The following RTN4RL1 variants were observed in gnomAD, a reference collection of about 807,000 sequenced individuals.
RTN4RL1 encodes the protein reticulon 4 receptor like 1, also known as reticulon-4 receptor-like 1.
In RTN4RL1, 7 loss-of-function variants were observed where a neutral mutation model predicts 25.6. That is an observed-to-expected ratio of 0.27 (90% CI 0.16 to 0.51). The LOEUF (loss-of-function observed/expected upper bound fraction) is 0.51, where lower values mean the gene tolerates loss of function less well. Ranked by LOEUF, RTN4RL1 falls within the 20% of genes least tolerant of loss-of-function variation. The pLI, the probability that RTN4RL1 is intolerant of heterozygous loss-of-function variation, is 0.97. For missense variants in RTN4RL1, 500 were observed against 615.6 expected (o/e 0.81, Z 1.99); for synonymous variants, 297 against 288.2 (o/e 1.03, Z -0.31).
intron 1 of RTN4RL1, among the ~76,000 whole-genome samples, chr17:2,015,545 C>T (rs1036171312): frequency 5.9e-5 from 9 of 152,148 alleles, no homozygotes; most frequent in Non-Finnish European, 8.8e-5. Flanking sequence ...GGGGCAGCCG[C>T]AGAACCATGG....
intron 1 of RTN4RL1, among the ~76,000 whole-genome samples, chr17:1,963,711 T>A (rs1306106742): frequency 6.6e-6 from 1 of 152,182 alleles, no homozygotes; most frequent in Non-Finnish European, 1.5e-5. Context: ...CCGGGTGCAA[T>A]CTGCCCTTCG....
chr17:1,948,345 C>T (rs1915602048), intron 1 of RTN4RL1, among the ~76,000 whole-genome samples: 1 of 152,212 alleles, frequency 6.6e-6, no homozygotes, highest in African/African-American at 2.4e-5. Flanking sequence ...TGCAAATTTG[C>T]TCCCAGGTTT....
At chr17:2,021,849 C>G (rs1380063535) in intron 1 of RTN4RL1, among the ~76,000 whole-genome samples, 1 of 137,442 alleles carries the variant, frequency 7.3e-6, no homozygotes, top group Non-Finnish European at 1.5e-5. Context: ...GCCACTGTGC[C>G]CGGTCTTTTT....
chr17:1,939,179 C>G (rs781004746), intron 1 of RTN4RL1, among the ~76,000 whole-genome samples: 10 of 151,624 alleles, frequency 6.6e-5, no homozygotes, highest in Non-Finnish European at 1.2e-4. Flanking sequence ...GGCGAAACCC[C>G]GTCTCTACTA....
chr17:2,018,311 G>T (rs567375074), intron 1 of RTN4RL1, among the ~76,000 whole-genome samples: 1 of 152,324 alleles, frequency 6.6e-6, no homozygotes, highest in East Asian at 1.9e-4. Flanking sequence ...GCAGGCAGGA[G>T]GGTTCCTGGC....
intron 1 of RTN4RL1, among the ~76,000 whole-genome samples, chr17:1,961,956 AAAAG>A (rs1476741631): frequency 2.7e-4 from 40 of 148,642 alleles, no homozygotes; most frequent in Middle Eastern, 3.4e-3. Flanking sequence ...TCAAAAAAAA[AAAAG>A]AAAAGAAAAG....
At chr17:2,000,332 C>G (rs1380528903) in intron 1 of RTN4RL1, among the ~76,000 whole-genome samples, 7 of 152,058 alleles carry the variant, frequency 4.6e-5, no homozygotes, top group Non-Finnish European at 1.0e-4. Flanking sequence ...CAAAGTCCTA[C>G]TTTGGGTTCC....
chr17:1,972,645 C>T (rs1293204509), intron 1 of RTN4RL1, among the ~76,000 whole-genome samples: 3 of 152,166 alleles, frequency 2.0e-5, no homozygotes, highest in East Asian at 1.9e-4. Context: ...CCTGTTTTCC[C>T]GCCCACGTGG....
In RTN4RL1 at chr17:2,010,189, G is replaced by A. The variant is rs369943272; in HGVS notation, c.13+14664C>T. On this transcript the variant is annotated intron_variant, in intron 1 of 1. Transcript: ENST00000331238. Reference sequence around the variant, plus strand: ...TATAGTTGTTTAGCCAGGCGCGGTAGCTCACGCCTATAATCCCAGCACTTT... The same window carrying A: ...TATAGTTGTTTAGCCAGGCGCGGTAACTCACGCCTATAATCCCAGCACTTT... Among the ~76,000 whole-genome samples the A allele has an allele frequency of 1.2e-3, 160 of 128,304 alleles. 50 individuals carry two copies. The South Asian group carries it at 0.043, about 35-fold the overall frequency. The allele number at this position is 128,304 out of a possible 152,430, so 84.2% of individuals were successfully genotyped here.
At chr17:1,941,948 G>A (rs566689178) in intron 1 of RTN4RL1, among the ~76,000 whole-genome samples, 3 of 152,284 alleles carry the variant, frequency 2.0e-5, no homozygotes, top group East Asian at 1.9e-4. Flanking sequence ...GCCCCGACCC[G>A]CTGATTGCCT....
intron 1 of RTN4RL1, among the ~76,000 whole-genome samples, chr17:1,986,809 C>G (rs553982808): frequency 2.6e-4 from 40 of 151,998 alleles, no homozygotes; most frequent in Non-Finnish European, 5.0e-4. Flanking sequence ...GCAGGCTGAC[C>G]CCAGACTCAG....
rs192391748 is a variant in RTN4RL1, at chr17:2,008,048, G to A, written c.13+16805C>T. Among the ~76,000 whole-genome samples the A allele has an allele frequency of 1.6e-3, 236 of 151,844 alleles. 1 individual carries two copies. Among genetic ancestry groups the A allele is most frequent in the Non-Finnish European group, 2.6e-3 (177 of 67,904 alleles). ...AGCACTTTGGGAGGCCGAGGCGGGCGGATCACCTGAGGTCAGGAGTTCGCG... is the reference window on the plus strand; with the variant it reads ...AGCACTTTGGGAGGCCGAGGCGGGCAGATCACCTGAGGTCAGGAGTTCGCG... On this transcript the variant is annotated intron_variant, in intron 1 of 1. Coordinates refer to ENST00000331238, the MANE Select transcript of RTN4RL1 (RefSeq NM_178568.4).
At chr17:1,984,666 C>T (rs947698598) in intron 1 of RTN4RL1, among the ~76,000 whole-genome samples, 1 of 152,208 alleles carries the variant, frequency 6.6e-6, no homozygotes, top group East Asian at 1.9e-4. Context: ...TGCCCCGAGG[C>T]CTTCAAGAAA....
At chr17:1,943,854 G>A (rs1029489328) in intron 1 of RTN4RL1, among the ~76,000 whole-genome samples, 2 of 152,222 alleles carry the variant, frequency 1.3e-5, no homozygotes, top group Non-Finnish European at 2.9e-5. Context: ...TGCAGGATGG[G>A]CAGGGGCTCC....
rs149223735 is a variant in RTN4RL1, at chr17:1,984,644, A to G, written c.13+40209T>C. Among the ~76,000 whole-genome samples, 1,135 of 152,352 alleles carry G rather than the reference A, an allele frequency of 7.4e-3. 18 individuals carry two copies. The highest frequency in any genetic ancestry group is 0.026 in the African/African-American group (1,087 of 41,580). On this transcript the variant is annotated intron_variant, in intron 1 of 1. Transcript: ENST00000331238. ...CCTTTCTGCGACTTTCATCTTCTGC[A>G]GGAATGAGCCCTGCCCCGAGGCCTT...
intron 1 of RTN4RL1, among the ~76,000 whole-genome samples, chr17:1,940,372 T>A (rs1377146626): frequency 6.6e-6 from 1 of 152,216 alleles, no homozygotes; most frequent in Non-Finnish European, 1.5e-5. Context: ...CAGTGACTTC[T>A]GTCCCGCCCA....
At chr17:1,987,551 T>C (rs547509180) in intron 1 of RTN4RL1, among the ~76,000 whole-genome samples, 1 of 152,292 alleles carries the variant, frequency 6.6e-6, no homozygotes, top group East Asian at 1.9e-4. Flanking sequence ...AGATTCCCGC[T>C]CTGTCCCAGT....
chr17:1,975,792 G>A (rs1427987963), intron 1 of RTN4RL1, among the ~76,000 whole-genome samples: 2 of 152,114 alleles, frequency 1.3e-5, no homozygotes, highest in Non-Finnish European at 2.9e-5. Flanking sequence ...TTACTGAATC[G>A]AGAGCCAATT....
intron 1 of RTN4RL1, among the ~76,000 whole-genome samples, chr17:1,947,576 C>T (rs761702602): frequency 7.2e-5 from 11 of 152,214 alleles, no homozygotes; most frequent in Admixed American, 4.6e-4. Context: ...GAGAAGTGGG[C>T]GGCCCCTTAT....
Sources: gnomAD v4.1 joint callset for allele counts (sites outside exome capture counted in the v4.1 genomes callset) on GRCh38, gnomAD v4.1.1 for gene constraint, MANE v1.5 for transcripts, NCBI Gene and HGNC (gene_info 2026-07-23, HGNC 2026-07-21) for gene names.